SGCD: variants seen among roughly 807,000 people sequenced by gnomAD.
SGCD encodes the protein sarcoglycan delta.
A neutral mutation model predicts 36.6 loss-of-function variants in SGCD; 18 were observed. The ratio of observed to expected loss-of-function variants is 0.49; its 90% CI spans 0.34 to 0.73. SGCD has a LOEUF of 0.73. Ranked by LOEUF, SGCD falls within the 30% of genes least tolerant of loss-of-function variation. SGCD has a pLI of 0.01. For synonymous variants in SGCD, 133 were observed against 130.6 expected (o/e 1.02, Z -0.12); for missense variants, 387 against 346.7 (o/e 1.12, Z -0.92).
At chr5:155,912,888 T>C (rs905443063) in intron 1 of SGCD, among the ~76,000 whole-genome samples, 2 of 152,144 alleles carry the variant, frequency 1.3e-5, no homozygotes, top group African/African-American at 2.4e-5. Context: ...TCTTCTACAT[T>C]CCCTTTCTTC....
chr5:156,471,324 C>T (rs540594398), intron 3 of SGCD, among the ~76,000 whole-genome samples: 2 of 152,116 alleles, frequency 1.3e-5, no homozygotes, highest in African/African-American at 2.4e-5. Flanking sequence ...TGTAAAAATG[C>T]AGAGGACTAA....
At chr5:155,853,952 T>G in the SGCD span, among the ~76,000 whole-genome samples, 1 of 152,152 alleles carries the variant, frequency 6.6e-6, no homozygotes, top group Non-Finnish European at 1.5e-5. Context: ...ACACAGCAAA[T>G]TTATAGTAGG....
chr5:156,509,076 T>A (rs934417), intron 4 of SGCD, among the ~76,000 whole-genome samples: 5 of 152,002 alleles, frequency 3.3e-5, no homozygotes, highest in African/African-American at 7.2e-5. Flanking sequence ...ACTGAAGAAC[T>A]AGAATTTTGT....
the SGCD span, among the ~76,000 whole-genome samples, chr5:155,771,259 C>T: frequency 6.6e-6 from 1 of 151,600 alleles, no homozygotes; most frequent in African/African-American, 2.4e-5. Context: ...TAGATTTTTC[C>T]TTTTTTTAAC....
intron 1 of SGCD, among the ~76,000 whole-genome samples, chr5:155,951,876 C>A (rs1757554986): frequency 6.6e-6 from 1 of 152,118 alleles, no homozygotes; most frequent in Non-Finnish European, 1.5e-5. Flanking sequence ...CTTAGTTGAG[C>A]TAACCAGCAA....
rs541370537 is a variant in SGCD, at chr5:155,929,107, C to G, written c.-282+58683C>G. On this transcript the variant is annotated intron_variant, in intron 1 of 9. Coordinates refer to the SGCD transcript ENST00000517913. ...TCCCTAGAGTAATGACCTTCTAATT[C>G]TAATCCAATTCTAATTTGTTACAGG... Among the ~76,000 whole-genome samples, 211 of 152,184 alleles carry G rather than the reference C, an allele frequency of 1.4e-3. 2 individuals are homozygous for G. The highest frequency in any genetic ancestry group is 5.0e-3 in the African/African-American group (207 of 41,520).
chr5:155,999,889 C>G (rs1291786240), intron 1 of SGCD, among the ~76,000 whole-genome samples: 1 of 152,178 alleles, frequency 6.6e-6, no homozygotes, highest in Non-Finnish European at 1.5e-5. Flanking sequence ...GTGCTTGAGG[C>G]AAAAGTACAA....
intron 1 of SGCD, among the ~76,000 whole-genome samples, chr5:155,994,329 GT>G (rs368274954): frequency 1.3e-5 from 2 of 152,242 alleles, no homozygotes; most frequent in African/African-American, 4.8e-5. Context: ...ATTAAATGAG[GT>G]CTTACATGGA....
chr5:155,807,842 G>A, the SGCD span, among the ~76,000 whole-genome samples: 3 of 152,292 alleles, frequency 2.0e-5, no homozygotes, highest in Admixed American at 6.5e-5. Flanking sequence ...ATGGAGAGAG[G>A]ATAGTTTTCT....
chr5:156,266,269 T>G (rs1383668392), intron 3 of SGCD, among the ~76,000 whole-genome samples: 1 of 152,192 alleles, frequency 6.6e-6, no homozygotes, highest in African/African-American at 2.4e-5. Context: ...CTTAAAAAAA[T>G]CATTTATATT....
At chr5:156,053,054 CTG>C (rs1182702537) in intron 1 of SGCD, among the ~76,000 whole-genome samples, 1 of 146,546 alleles carries the variant, frequency 6.8e-6, no homozygotes. Context: ...ATTGGAGCCC[CTG>C]ATCCAGGACA....
the SGCD span, among the ~76,000 whole-genome samples, chr5:155,840,332 C>A: frequency 2.6e-5 from 4 of 151,494 alleles, no homozygotes; most frequent in Admixed American, 1.3e-4. Flanking sequence ...CAAGCTCCAC[C>A]TCCTAGGTTC....
chr5:156,632,296 G>C (rs184844040), intron 6 of SGCD, among the ~76,000 whole-genome samples: 12 of 152,180 alleles, frequency 7.9e-5, no homozygotes, highest in Admixed American at 4.6e-4. Context: ...TCCTGGGGGT[G>C]GGGGAGGGCC....
At chr5:156,128,467 C>A (rs1762232581) in intron 3 of SGCD, among the ~76,000 whole-genome samples, 1 of 148,292 alleles carries the variant, frequency 6.7e-6, no homozygotes, top group African/African-American at 2.6e-5. Flanking sequence ...CTGAAAACAA[C>A]TCAGATGTCT....
rs1442927781 is a variant in SGCD, at chr5:156,766,540, G to A, written c.*7150G>A. 1 of 148,922 alleles carries A rather than the reference G, an allele frequency of 6.7e-6. No individual in the cohort carries two copies. The highest frequency in any genetic ancestry group is 2.0e-4 in the East Asian group (1 of 5,094). 9.2% of individuals were successfully genotyped at this position (148,922 alleles called of 1,614,324 possible). ...ATTTGCCAGTTCTTATTTTTAAAGT[G>A]GCACCCTTTAACTTTGAACCTGTGT... On this transcript the variant is annotated 3_prime_UTR_variant, in exon 9 of 9. Coordinates refer to ENST00000337851, the MANE Select transcript of SGCD (RefSeq NM_000337.6).
At chr5:156,293,720 G>C (rs1301173061) in intron 3 of SGCD, among the ~76,000 whole-genome samples, 1 of 152,098 alleles carries the variant, frequency 6.6e-6, no homozygotes, top group African/African-American at 2.4e-5. Flanking sequence ...TTGAGGCTTG[G>C]TAGTAAGTTG....
chr5:155,976,220 T>C (rs181620902), intron 1 of SGCD, among the ~76,000 whole-genome samples: 17 of 152,328 alleles, frequency 1.1e-4, no homozygotes, highest in Non-Finnish European at 2.4e-4. Context: ...AAGGGTCTTA[T>C]ACCATTTTGT....
intron 1 of SGCD, among the ~76,000 whole-genome samples, chr5:155,894,903 C>G (rs1756213556): frequency 6.6e-6 from 1 of 152,124 alleles, no homozygotes; most frequent in African/African-American, 2.4e-5. Context: ...ATGTGCTTGA[C>G]TCATCCTGCA....
At chr5:156,136,900 G>GA (rs993001564) in intron 3 of SGCD, among the ~76,000 whole-genome samples, 5 of 151,794 alleles carry the variant, frequency 3.3e-5, no homozygotes, top group African/African-American at 9.7e-5. Context: ...AAGATATATA[G>GA]AAAAAAATAT....
Sources: gnomAD v4.1 joint callset for allele counts (sites outside exome capture counted in the v4.1 genomes callset) on GRCh38, gnomAD v4.1.1 for gene constraint, MANE v1.5 for transcripts, NCBI Gene and HGNC (gene_info 2026-07-23, HGNC 2026-07-21) for gene names.